MGAM: variants seen among roughly 807,000 people sequenced by gnomAD.
MGAM encodes maltase-glucoamylase.
Under a neutral mutation model 358.8 loss-of-function variants are expected in MGAM, and 253 were observed. The ratio of observed to expected loss-of-function variants is 0.71; its 90% confidence interval spans 0.64 to 0.78. MGAM has a LOEUF of 0.78. MGAM is among the 30% of genes least tolerant of loss of function. The pLI, the probability that MGAM is intolerant of heterozygous loss-of-function variation, is 0.00. For missense variants in MGAM, 3,080 were observed against 3,432.6 expected, an observed-to-expected ratio of 0.90 and a Z score of 2.57; for synonymous variants, 1,105 against 1,227.1, an observed-to-expected ratio of 0.90 and a Z score of 2.08.
chr7:142,045,230 ATTATATAT>A (rs1809989335), intron 21 of MGAM, among the ~76,000 whole-genome samples: 6 of 78,554 alleles, frequency 7.6e-5, no homozygotes, highest in African/African-American at 3.3e-4. Context: ...TATAATATAT[ATTATATAT>A]CATATAATAT....
chr7:142,024,522 C>T (rs1400843040), intron 7 of MGAM, among the ~76,000 whole-genome samples: 14 of 152,066 alleles, frequency 9.2e-5, no homozygotes, highest in African/African-American at 2.4e-4. Context: ...AATGTGACTA[C>T]ATGTTGAAGT....
Position 142,088,747 on chromosome 7 carries a change from G to GTCTATCTATCTA in MGAM, c.6810+2073_6810+2084dup, listed in dbSNP as rs60202972. 3.1e-4 allele frequency among the ~76,000 whole-genome samples: 29 copies of GTCTATCTATCTA among 93,516 alleles called. 1 individual carries two copies. Among genetic ancestry groups the GTCTATCTATCTA allele is most frequent in the East Asian group, 5.6e-4 (2 of 3,542 alleles). The allele number at this position is 93,516 out of a possible 152,430, so 61.4% of individuals were successfully genotyped here. ...TGTCTGTCTGTCTGTCTGTCTGTCT[G>GTCTATCTATCTA]TCTATCTATCTATCTATCTATCTAT... On this transcript the variant is annotated intron_variant, in intron 57 of 70. Coordinates refer to ENST00000475668, the MANE Select transcript of MGAM (RefSeq NM_001365693.1).
rs144396450 is a variant in MGAM, at chr7:142,035,994, C to T, written c.1960-175C>T. The stretch of plus-strand genomic sequence containing the variant: ...AGGCACAGAAGGGTTAGGTAACTTA[C>T]TCAAAGTCATCCAGCATTCAAGAGT... On this transcript the variant is annotated intron_variant, in intron 16 of 70. Coordinates refer to ENST00000475668, the MANE Select transcript of MGAM (RefSeq NM_001365693.1). Among the ~76,000 whole-genome samples, 4 of 151,996 alleles carry T rather than the reference C, an allele frequency of 2.6e-5. No homozygotes were observed. The East Asian group carries it at 7.7e-4, about 29-fold the overall frequency.
At chr7:142,016,582 G>A (rs1459621443) in intron 3 of MGAM, among the ~76,000 whole-genome samples, 14 of 151,922 alleles carry the variant, frequency 9.2e-5, no homozygotes, top group African/African-American at 3.4e-4. Context: ...CCTGATATTA[G>A]TATGGCTTTT....
At chr7:142,063,087 A>G (rs1812380712) in intron 35 of MGAM, among the ~76,000 whole-genome samples, 1 of 152,156 alleles carries the variant, frequency 6.6e-6, no homozygotes, top group Non-Finnish European at 1.5e-5. Flanking sequence ...AATCCCAGCT[A>G]TTTGGGTAGC....
intron 34 of MGAM, 47 bp from the exon 35 acceptor site, chr7:142,062,521 T>C: frequency 1.3e-6 from 2 of 1,527,634 alleles, no homozygotes; most frequent in Non-Finnish European, 1.8e-6. Context: ...CTGTTTGCTG[T>C]CTTCTATATT....
At chr7:142,000,272 TA>T (rs1485972190) in intron 1 of MGAM, among the ~76,000 whole-genome samples, 2 of 152,170 alleles carry the variant, frequency 1.3e-5, no homozygotes, top group South Asian at 2.1e-4. Context: ...AAGGCTTGAA[TA>T]GGGGTAGAGG....
intron 45 of MGAM, among the ~76,000 whole-genome samples, chr7:142,074,590 G>A (rs3922664): frequency 0.097 from 14,105 of 145,926 alleles, 2,107 homozygotes; most frequent in African/African-American, 0.23. Context: ...CTAGCCATAC[G>A]TTTTAGCATA....
At chr7:142,072,527 A>G (rs1813427295) in intron 44 of MGAM, among the ~76,000 whole-genome samples, 2 of 146,400 alleles carry the variant, frequency 1.4e-5, no homozygotes, top group South Asian at 2.2e-4. Context: ...GCATTTCAAT[A>G]GTAGTTGCAT....
At chr7:142,046,714 A>C (rs995035623) in intron 21 of MGAM, among the ~76,000 whole-genome samples, 12 of 152,124 alleles carry the variant, frequency 7.9e-5, no homozygotes, top group African/African-American at 2.9e-4. Context: ...TAACAGGAAT[A>C]TGTGTTGTAA....
intron 14 of MGAM, 81 bp from the exon 15 acceptor site, chr7:142,034,181 C>A: frequency 1.1e-6 from 1 of 938,174 alleles, no homozygotes; most frequent in Non-Finnish European, 1.6e-6. Flanking sequence ...GCCCAGGGGG[C>A]TGTCATTTCG....
intron 47 of MGAM, among the ~76,000 whole-genome samples, chr7:142,077,761 G>A (rs1813858680): frequency 6.9e-6 from 1 of 145,232 alleles, no homozygotes; most frequent in Admixed American, 7.0e-5. Flanking sequence ...CCATAAATAT[G>A]TATACCTACT....
chr7:142,015,704 C>G lies in MGAM; in HGVS notation c.328-3495C>G, dbSNP rs140533337. Reference sequence around the variant, plus strand: ...CTCCAATATATTTTTAAATTATAAGCAATCATAGTGATGGATCACTTAGGT... The same window carrying G: ...CTCCAATATATTTTTAAATTATAAGGAATCATAGTGATGGATCACTTAGGT... On this transcript the variant is annotated intron_variant, in intron 3 of 70. Coordinates refer to ENST00000475668, the MANE Select transcript of MGAM (RefSeq NM_001365693.1). 8.5e-3 allele frequency among the ~76,000 whole-genome samples: 1,293 copies of G among 151,938 alleles called. 22 individuals are homozygous for G. Among genetic ancestry groups the G allele is most frequent in the African/African-American group, 0.029 (1,219 of 41,474 alleles).
intron 11 of MGAM, 37 bp downstream of exon 11, chr7:142,030,530 G>C (rs1807386924): frequency 5.6e-6 from 9 of 1,612,344 alleles, no homozygotes; most frequent in Non-Finnish European, 7.6e-6. Context: ...TTAGGTATTT[G>C]CTCCTCCGTA....
chr7:142,045,275 C>G (rs1365899814), intron 21 of MGAM, among the ~76,000 whole-genome samples: 1 of 15,750 alleles, frequency 6.3e-5, no homozygotes, highest in African/African-American at 1.3e-4. Context: ...ATTATATATA[C>G]CTATAATATA....
intron 57 of MGAM, among the ~76,000 whole-genome samples, chr7:142,088,612 A>G (rs960269242): frequency 7.0e-6 from 1 of 142,310 alleles, no homozygotes; most frequent in African/African-American, 2.5e-5. Context: ...CTATCTATCT[A>G]TCCACTCTAT....
chr7:142,105,875 G>T lies in MGAM; in HGVS notation c.8246G>T (p.Trp2749Leu). The T allele has an allele frequency of 1.2e-6, 2 of 1,611,064 alleles. No homozygotes were observed. Among genetic ancestry groups the T allele is most frequent in the Non-Finnish European group, 1.7e-6 (2 of 1,177,468 alleles). Reference sequence around the variant, plus strand: ...CTACATAATTTTACTTCATTGACGTGGATAAGCACTCTGTGAATTTTTACA... The same window carrying T: ...CTACATAATTTTACTTCATTGACGTTGATAAGCACTCTGTGAATTTTTACA... The part of the protein sequence containing the change: ...ISLHNFTSLT[W>L]ISTL The change falls in exon 71 of 71, where the codon TGG becomes TTG. Residue 2749 changes from tryptophan to leucine, a missense_variant. Physicochemically the swap from Trp to Leu is moderately conservative, Grantham distance 61. Coordinates refer to ENST00000475668, the MANE Select transcript of MGAM (RefSeq NM_001365693.1).
chr7:142,050,171 G>A, intron 22 of MGAM, 64 bp from the exon 23 acceptor site: 1 of 1,511,062 alleles, frequency 6.6e-7, no homozygotes, highest in Admixed American at 1.7e-5. Context: ...AGGAGTGGTA[G>A]GGTGAAATCT....
At chr7:142,064,580 A>T in intron 37 of MGAM, 58 bp downstream of exon 37, 2 of 1,540,854 alleles carry the variant, frequency 1.3e-6, no homozygotes, top group Non-Finnish European at 1.8e-6. Context: ...CCAGTGACTG[A>T]CATAGCTACC....
Sources: gnomAD v4.1 joint callset for allele counts (sites outside exome capture counted in the v4.1 genomes callset) on GRCh38, gnomAD v4.1.1 for gene constraint, MANE v1.5 for transcripts, NCBI Gene and HGNC (gene_info 2026-07-23, HGNC 2026-07-21) for gene names.